The following LYPLAL1 variants were observed in gnomAD, a reference collection of about 807,000 sequenced individuals.
The protein encoded by LYPLAL1 is lysophospholipase like 1.
Under a neutral mutation model 19.7 loss-of-function variants are expected in LYPLAL1, and 23 were observed. The ratio of observed to expected loss-of-function variants is 1.17; its 90% CI spans 0.84 to 1.65. The LOEUF is 1.65. LYPLAL1 is among the 40% of genes most tolerant of loss of function. LYPLAL1 has a pLI of 0.00. For missense variants in LYPLAL1, 355 were observed against 279.4 expected (o/e 1.27, Z -1.93); for synonymous variants, 119 against 96.3 (o/e 1.24, Z -1.38).
the LYPLAL1 span, among the ~76,000 whole-genome samples, chr1:219,302,577 A>AT: frequency 3.3e-4 from 50 of 151,944 alleles, no homozygotes; most frequent in Admixed American, 3.0e-3. Flanking sequence ...CTGAGTCTCA[A>AT]TTTTTTTTCA....
the LYPLAL1 span, chr1:219,437,180 G>A: frequency 0.031 from 4,693 of 152,270 alleles, 94 homozygotes; most frequent in East Asian, 0.06. Flanking sequence ...AATACTGGGA[G>A]TGTGACCCCA....
chr1:219,354,568 C>G, the LYPLAL1 span, among the ~76,000 whole-genome samples: 1 of 152,080 alleles, frequency 6.6e-6, no homozygotes, highest in Non-Finnish European at 1.5e-5. Context: ...AATGTATAAC[C>G]AAAGCAAACA....
At chr1:219,219,607 C>T in the LYPLAL1 span, among the ~76,000 whole-genome samples, 1 of 152,172 alleles carries the variant, frequency 6.6e-6, no homozygotes, top group Admixed American at 6.5e-5. Context: ...GCTGTTTGCA[C>T]CACCAGTTGG....
the LYPLAL1 span, among the ~76,000 whole-genome samples, chr1:219,392,948 T>C: frequency 2.0e-5 from 3 of 152,204 alleles, no homozygotes; most frequent in African/African-American, 7.2e-5. Flanking sequence ...GTTGGAAAAA[T>C]AAAATAAGAA....
At chr1:219,443,542 AAGTC>A in the LYPLAL1 span, among the ~76,000 whole-genome samples, 5 of 152,222 alleles carry the variant, frequency 3.3e-5, no homozygotes, top group South Asian at 4.1e-4. Flanking sequence ...GAAGTACAGT[AAGTC>A]CTTACTTATC....
chr1:219,336,427 GATA>G, the LYPLAL1 span, among the ~76,000 whole-genome samples: 1 of 151,816 alleles, frequency 6.6e-6, no homozygotes, highest in Admixed American at 6.6e-5. Flanking sequence ...GATTAAAATA[GATA>G]ATGAGTAAAA....
intron 1 of LYPLAL1, among the ~76,000 whole-genome samples, chr1:219,175,722 ATTGGGAGTAGGTCTTTATCATCTTTATCG>A (rs1348266715): frequency 2.9e-4 from 44 of 152,252 alleles, no homozygotes; most frequent in African/African-American, 9.9e-4. Context: ...ATAAAACCTT[ATTGGGAGTAGGTCTTTATCATCTTTATCG>A]TTGGGAGTAG....
the LYPLAL1 span, among the ~76,000 whole-genome samples, chr1:219,259,427 A>G: frequency 2.1e-5 from 3 of 144,318 alleles, no homozygotes; most frequent in African/African-American, 2.7e-5. Flanking sequence ...ATATATATAT[A>G]TATGTATATA....
intron 3 of LYPLAL1, chr1:219,200,068 A>C (rs61823214): frequency 8.7e-6 from 2 of 230,980 alleles, no homozygotes; most frequent in South Asian, 1.6e-4. Context: ...GCATCCTTCC[A>C]TCTGTTGAAC....
At chr1:219,373,863 C>A in the LYPLAL1 span, among the ~76,000 whole-genome samples, 335 of 102,210 alleles carry the variant, frequency 3.3e-3, no homozygotes, top group Middle Eastern at 5.4e-3. Context: ...ATAAAATTGT[C>A]AAAAAAAAAA....
At chr1:219,187,546 T>G (rs1247991393) in intron 2 of LYPLAL1, among the ~76,000 whole-genome samples, 1 of 151,768 alleles carries the variant, frequency 6.6e-6, no homozygotes, top group African/African-American at 2.4e-5. Context: ...AAAATAATTT[T>G]TAACAAGCCA....
the LYPLAL1 span, among the ~76,000 whole-genome samples, chr1:219,420,988 C>T: frequency 0.38 from 57,142 of 151,938 alleles, 11,436 homozygotes; most frequent in Non-Finnish European, 0.44. Context: ...TAAATGGAGT[C>T]TACTTTAAGC....
chr1:219,348,625 T>G, the LYPLAL1 span, among the ~76,000 whole-genome samples: 1 of 152,220 alleles, frequency 6.6e-6, no homozygotes, highest in Non-Finnish European at 1.5e-5. Flanking sequence ...TTTTAGGTAG[T>G]TAAATCATCA....
intron 2 of LYPLAL1, among the ~76,000 whole-genome samples, chr1:219,180,755 T>C (rs1355132948): frequency 6.6e-6 from 1 of 152,242 alleles, no homozygotes; most frequent in Non-Finnish European, 1.5e-5. Flanking sequence ...TAGGAATTAA[T>C]ATTTTTTATC....
chr1:219,393,751 G>A, the LYPLAL1 span, among the ~76,000 whole-genome samples: 7 of 150,226 alleles, frequency 4.7e-5, no homozygotes, highest in African/African-American at 7.3e-5. Flanking sequence ...ATGTTAAATC[G>A]GGCAATAGAC....
chr1:219,204,166 G>A (rs1166810673), intron 3 of LYPLAL1, among the ~76,000 whole-genome samples: 1 of 152,072 alleles, frequency 6.6e-6, no homozygotes, highest in Non-Finnish European at 1.5e-5. Flanking sequence ...ATTTATTTTT[G>A]TATATTTATG....
chr1:219,357,965 T>C, the LYPLAL1 span, among the ~76,000 whole-genome samples: 1 of 152,210 alleles, frequency 6.6e-6, no homozygotes, highest in East Asian at 1.9e-4. Context: ...TCTTTTTATA[T>C]GGCATTCTGA....
At chr1:219,208,294 T>C (rs1658731604) in intron 3 of LYPLAL1, among the ~76,000 whole-genome samples, 1 of 152,092 alleles carries the variant, frequency 6.6e-6, no homozygotes, top group Non-Finnish European at 1.5e-5. Context: ...AGTATTTGTA[T>C]TTAAAAGGTT....
chr1:219,211,604 T>C lies in LYPLAL1; in HGVS notation c.590T>C (p.Leu197Pro), dbSNP rs1558248062. The change falls in exon 5 of 5, where the codon CTA (leucine) becomes CCA (proline). Residue 197 changes from leucine (L) to proline (P), a missense_variant. Transcript: ENST00000366928. ...GAGACAAACTCAATGTTAAAATCTC[T>C]AGGAGTGACCACGAAGTTTCATAGT... ...AEETNSMLKS[L>P]GVTTKFHSFP... 6.2e-7 allele frequency: 1 copy of C among 1,612,818 alleles called. No homozygotes were observed. The highest frequency in any genetic ancestry group is 2.2e-5 in the East Asian group (1 of 44,842).
Sources: gnomAD v4.1 joint callset for allele counts (sites outside exome capture counted in the v4.1 genomes callset) on GRCh38, gnomAD v4.1.1 for gene constraint, MANE v1.5 for transcripts, NCBI Gene and HGNC (gene_info 2026-07-23, HGNC 2026-07-21) for gene names.